NXPH1: variants seen among roughly 807,000 people sequenced by gnomAD.
NXPH1 encodes neurexophilin 1.
In NXPH1, 5 loss-of-function variants were observed where a neutral mutation model predicts 23.7. The observed-to-expected ratio is 0.21, with a 90% confidence interval of 0.11 to 0.44. NXPH1 has a LOEUF of 0.44. Ranked by LOEUF, NXPH1 falls within the 20% of genes least tolerant of loss-of-function variation. The pLI, the probability that NXPH1 is intolerant of heterozygous loss-of-function variation, is 0.99. For missense variants in NXPH1, 324 were observed against 321.6 expected, an observed-to-expected ratio of 1.01 and a Z score of -0.06; for synonymous variants, 144 against 122.2, an observed-to-expected ratio of 1.18 and a Z score of -1.18.
intron 2 of NXPH1, among the ~76,000 whole-genome samples, chr7:8,729,028 G>A (rs1342174866): frequency 6.6e-6 from 1 of 151,844 alleles, no homozygotes; most frequent in East Asian, 1.9e-4. Context: ...CCTGTTATTG[G>A]TCTATTCAGA....
intron 2 of NXPH1, among the ~76,000 whole-genome samples, chr7:8,512,854 G>A (rs1441041782): frequency 6.6e-6 from 1 of 152,056 alleles, no homozygotes; most frequent in East Asian, 1.9e-4. Flanking sequence ...CTTCTTAGCA[G>A]AAAACCAAAT....
intron 2 of NXPH1, among the ~76,000 whole-genome samples, chr7:8,724,886 T>A (rs377003228): frequency 6.6e-6 from 1 of 152,216 alleles, no homozygotes; most frequent in African/African-American, 2.4e-5. Flanking sequence ...TCACACACCA[T>A]GCTTTAAGAA....
intron 2 of NXPH1, among the ~76,000 whole-genome samples, chr7:8,514,706 G>C (rs1006088696): frequency 2.6e-5 from 4 of 152,044 alleles, no homozygotes. Context: ...ACATCTCTCT[G>C]ATCCAAACAG....
intron 2 of NXPH1, among the ~76,000 whole-genome samples, chr7:8,627,973 A>G (rs1820029896): frequency 6.6e-6 from 1 of 152,108 alleles, no homozygotes. Context: ...AAAGAGAAGG[A>G]CAAGGAAGAA....
chr7:8,563,969 C>T (rs1019501741), intron 2 of NXPH1, among the ~76,000 whole-genome samples: 2 of 151,808 alleles, frequency 1.3e-5, no homozygotes, highest in African/African-American at 4.8e-5. Flanking sequence ...GAACTCTTCA[C>T]TGCCAGTTGG....
chr7:8,652,499 A>G (rs1038843344), intron 2 of NXPH1, among the ~76,000 whole-genome samples: 1 of 152,162 alleles, frequency 6.6e-6, no homozygotes, highest in Admixed American at 6.6e-5. Context: ...CTATTACATG[A>G]TATAACAAAT....
At chr7:8,483,965 C>CTTTTTTTTTTTT (rs60436502) in intron 2 of NXPH1, among the ~76,000 whole-genome samples, 1,758 of 131,996 alleles carry the variant, frequency 0.013, 75 homozygotes, top group African/African-American at 0.052. Flanking sequence ...CTCCCCCCAC[C>CTTTTTTTTTTTT]TTTTTTTTTT....
At chr7:8,548,029 A>G (rs1263982495) in intron 2 of NXPH1, among the ~76,000 whole-genome samples, 2 of 151,498 alleles carry the variant, frequency 1.3e-5, no homozygotes. Context: ...GTCAAATAAT[A>G]GTTCTATTTT....
At position 8,751,066 on chromosome 7, in the gene NXPH1, G is replaced by C. The variant is rs753037832; in HGVS notation, c.113G>C (p.Ser38Thr). ...GKSELLKSGSSKSTLKHIWTE... is the reference protein window; with the variant it reads ...GKSELLKSGSTKSTLKHIWTE... ...TCAGAACTTCTGAAATCAGGAAGCA[G>C]CAAATCCACACTAAAGCACATATGG... Residue 38 changes from serine to threonine, a missense_variant, in exon 3 of 3, where the codon AGC becomes ACC. Physicochemically the swap from Ser to Thr is moderately conservative, Grantham distance 58. Transcript: ENST00000405863. This position sits in a 1 kb window ranked among gnomAD's most constrained non-coding sequence, Gnocchi z 4.5. 30 of 1,613,700 alleles carry C rather than the reference G, an allele frequency of 1.9e-5. No individual in the cohort carries two copies. In the African/African-American group the frequency reaches 3.2e-4, roughly 17 times the overall value.
rs181401705 is a variant in NXPH1, at chr7:8,551,101, T to C, written c.54+115334T>C. 1.8e-3 allele frequency among the ~76,000 whole-genome samples: 276 copies of C among 151,636 alleles called. 1 individual carries two copies. In the Middle Eastern group the frequency reaches 0.034, roughly 19 times the overall value. On this transcript the variant is annotated intron_variant, in intron 2 of 2. Transcript: ENST00000405863. ...TTAGTTTTTTAAAAATTCTATCAGC[T>C]GTGCAAAAGGATGTCTGTCTCATGA...
At chr7:8,491,873 C>T (rs535438010) in intron 2 of NXPH1, among the ~76,000 whole-genome samples, 4 of 152,172 alleles carry the variant, frequency 2.6e-5, no homozygotes, top group African/African-American at 9.6e-5. Context: ...ATCTAAAGTG[C>T]TGTTCTTTTC....
chr7:8,588,248 G>T (rs1458335341), intron 2 of NXPH1, among the ~76,000 whole-genome samples: 1 of 152,126 alleles, frequency 6.6e-6, no homozygotes, highest in African/African-American at 2.4e-5. Context: ...CCATTACTGG[G>T]TATATACCCA....
intron 2 of NXPH1, among the ~76,000 whole-genome samples, chr7:8,680,798 G>A (rs941721725): frequency 1.3e-5 from 2 of 152,180 alleles, no homozygotes; most frequent in Non-Finnish European, 2.9e-5. Flanking sequence ...TCCCATCAAG[G>A]ATACCTGTGA....
At chr7:8,487,064 A>G (rs1817170756) in intron 2 of NXPH1, among the ~76,000 whole-genome samples, 1 of 152,174 alleles carries the variant, frequency 6.6e-6, no homozygotes, top group Admixed American at 6.6e-5. Flanking sequence ...GAGCCTTTAG[A>G]GTACTTAACA....
chr7:8,624,571 T>C (rs757914359), intron 2 of NXPH1, among the ~76,000 whole-genome samples: 27 of 152,064 alleles, frequency 1.8e-4, no homozygotes, highest in Middle Eastern at 6.8e-3. Context: ...AGGGAAAAGA[T>C]AGTGTCATGT....
At chr7:8,437,532 G>A (rs1584154100) in intron 2 of NXPH1, among the ~76,000 whole-genome samples, 1 of 152,326 alleles carries the variant, frequency 6.6e-6, no homozygotes, top group Non-Finnish European at 1.5e-5. Flanking sequence ...CACACGGCAA[G>A]GGCTTGTGGC....
chr7:8,727,892 G>A (rs1780083535), intron 2 of NXPH1, among the ~76,000 whole-genome samples: 1 of 151,830 alleles, frequency 6.6e-6, no homozygotes, highest in Non-Finnish European at 1.5e-5. Flanking sequence ...TTGGTGGCTT[G>A]ATGGGGATGG....
intron 2 of NXPH1, among the ~76,000 whole-genome samples, chr7:8,732,230 C>A (rs1055993713): frequency 5.3e-5 from 8 of 152,228 alleles, no homozygotes; most frequent in African/African-American, 7.2e-5. Flanking sequence ...CACTGACTTG[C>A]GCCCAGTGTC....
At chr7:8,665,200 TGGTG>T (rs1820741022) in intron 2 of NXPH1, among the ~76,000 whole-genome samples, 3 of 152,060 alleles carry the variant, frequency 2.0e-5, no homozygotes, top group Non-Finnish European at 4.4e-5. Context: ...TTTTTGTAAA[TGGTG>T]TAAGATAAGG....
Sources: gnomAD v4.1 joint callset for allele counts (sites outside exome capture counted in the v4.1 genomes callset) on GRCh38, gnomAD v4.1.1 for gene constraint, Gnocchi (gnomAD v3.1) non-coding constraint, MANE v1.5 for transcripts, NCBI Gene and HGNC (gene_info 2026-07-23, HGNC 2026-07-21) for gene names.